Variants in TIAM1 observed in about 807,000 individuals in gnomAD.
TIAM1 encodes TIAM Rac1 associated GEF 1, also known as rho guanine nucleotide exchange factor TIAM1.
TIAM1 carries 65 observed loss-of-function variants against 163.5 expected under a neutral mutation model. The ratio of observed to expected loss-of-function variants is 0.40; its 90% confidence interval spans 0.33 to 0.49. The LOEUF is 0.49. Among genes scored for constraint, TIAM1 ranks in the 20% least tolerant of loss-of-function variants. TIAM1 has a pLI of 0.77. For missense variants in TIAM1, 1,789 were observed against 2,044.7 expected, an observed-to-expected ratio of 0.87 and a Z score of 2.41; for synonymous variants, 833 against 810.1, an observed-to-expected ratio of 1.03 and a Z score of -0.48.
At chr21:31,443,112 C>T (rs2044495758) in intron 2 of TIAM1, among the ~76,000 whole-genome samples, 1 of 152,152 alleles carries the variant, frequency 6.6e-6, no homozygotes, top group African/African-American at 2.4e-5. Flanking sequence ...TGTGGAGTTT[C>T]ATTTTACAAC....
chr21:31,413,221 T>G (rs1282466525), intron 2 of TIAM1, among the ~76,000 whole-genome samples: 1 of 151,994 alleles, frequency 6.6e-6, no homozygotes, highest in Non-Finnish European at 1.5e-5. Flanking sequence ...CTTGTGCATG[T>G]CTTCCTCTTT....
intron 1 of TIAM1, among the ~76,000 whole-genome samples, chr21:31,496,723 C>A (rs2046667143): frequency 6.6e-6 from 1 of 152,024 alleles, no homozygotes; most frequent in South Asian, 2.1e-4. Context: ...ACTCACTGAC[C>A]CACTCACCGC....
chr21:31,355,438 CT>C (rs1199929885), intron 2 of TIAM1, among the ~76,000 whole-genome samples: 19 of 152,282 alleles, frequency 1.2e-4, no homozygotes, highest in South Asian at 8.3e-4. Flanking sequence ...TGAAGGTGTC[CT>C]CCTGGCCAGT....
chr21:31,240,962 T>C (rs1469667405), intron 6 of TIAM1, among the ~76,000 whole-genome samples: 1 of 152,148 alleles, frequency 6.6e-6, no homozygotes, highest in East Asian at 1.9e-4. Flanking sequence ...AATCAAATCA[T>C]GGGTGCAGGT....
intron 1 of TIAM1, among the ~76,000 whole-genome samples, chr21:31,472,654 T>C (rs779647364): frequency 1.3e-5 from 2 of 152,332 alleles, no homozygotes; most frequent in South Asian, 2.1e-4. Context: ...GTGCTCCAGA[T>C]ACTGGCACCA....
chr21:31,146,956 G>A lies in TIAM1; in HGVS notation c.3414C>T (p.Arg1138=). The part of the protein sequence containing the change: ...LGGSFLYYAD[R]FKLYSAFCAS... ...CGCAGAAGGCACTGTAGAGCTTGAA[G>A]CGGTCAGCATAATACAGGAATGATC... The change falls in exon 20 of 28, where the codon CGC becomes CGT. Residue 1138 remains arginine (R), a synonymous_variant. Transcript: ENST00000541036. The A allele has an allele frequency of 6.2e-7, 1 of 1,614,118 alleles. No individual in the cohort carries two copies. The highest frequency in any genetic ancestry group is 8.5e-7 in the Non-Finnish European group (1 of 1,180,012).
chr21:31,228,964 T>C (rs942779290), intron 6 of TIAM1, among the ~76,000 whole-genome samples: 1 of 152,146 alleles, frequency 6.6e-6, no homozygotes, highest in African/African-American at 2.4e-5. Context: ...ACTCACTCAC[T>C]TTCACAAGAA....
intron 19 of TIAM1, among the ~76,000 whole-genome samples, chr21:31,151,667 T>G (rs866158618): frequency 1.3e-5 from 2 of 151,772 alleles, no homozygotes; most frequent in African/African-American, 2.4e-5. Flanking sequence ...TTCATAGGGG[T>G]GTGTGTGTGT....
chr21:31,120,147 A>G lies in TIAM1; in HGVS notation c.*221T>C, dbSNP rs1415049205. On this transcript the variant is annotated 3_prime_UTR_variant, in exon 28 of 28. Coordinates refer to ENST00000541036, the MANE Select transcript of TIAM1 (RefSeq NM_001353694.2). This position sits in a 1 kb window ranked among gnomAD's most constrained non-coding sequence, Gnocchi z 4.2. ...AATAAAAGCCCTTAGTAATATACAGAAGATAGGACTCAAGCTTATTTGGGA... is the reference window on the plus strand; with the variant it reads ...AATAAAAGCCCTTAGTAATATACAGGAGATAGGACTCAAGCTTATTTGGGA... 3.7e-6 allele frequency: 2 copies of G among 535,798 alleles called. No individual in the cohort carries two copies. Among genetic ancestry groups the G allele is most frequent in the African/African-American group, 3.8e-5 (2 of 52,914 alleles). 33.2% of individuals were successfully genotyped at this position (535,798 alleles called of 1,614,324 possible). A position where few individuals can be genotyped will look rare whatever the true frequency, so the allele number is the denominator to read the frequency against.
At chr21:31,236,354 T>C (rs538906647) in intron 6 of TIAM1, among the ~76,000 whole-genome samples, 1 of 152,204 alleles carries the variant, frequency 6.6e-6, no homozygotes, top group East Asian at 1.9e-4. Flanking sequence ...CAAAGGTAAA[T>C]ATTTCTACAG....
chr21:31,218,394 C>T (rs538102191), intron 8 of TIAM1, among the ~76,000 whole-genome samples: 1 of 151,966 alleles, frequency 6.6e-6, no homozygotes, highest in Non-Finnish European at 1.5e-5. Flanking sequence ...ATGGTGAAAC[C>T]CTGTCTTAAC....
chr21:31,303,669 A>T (rs1248785531), intron 2 of TIAM1, among the ~76,000 whole-genome samples: 1 of 152,138 alleles, frequency 6.6e-6, no homozygotes, highest in Non-Finnish European at 1.5e-5. Context: ...CCTCAGGGAA[A>T]AAAATCACCA....
At chr21:31,131,694 TTC>T (rs2082416678) in intron 23 of TIAM1, among the ~76,000 whole-genome samples, 1 of 152,232 alleles carries the variant, frequency 6.6e-6, no homozygotes, top group South Asian at 2.1e-4. Context: ...CTGTCCTTTG[TTC>T]TCTGTGTCAG....
At chr21:31,479,293 A>C (rs147290563) in intron 1 of TIAM1, among the ~76,000 whole-genome samples, 53 of 152,308 alleles carry the variant, frequency 3.5e-4, no homozygotes, top group African/African-American at 1.2e-3. Flanking sequence ...GACTTGATTT[A>C]AAAAAACTCT....
chr21:31,219,533 C>A (rs2087426190), intron 8 of TIAM1, among the ~76,000 whole-genome samples: 1 of 152,182 alleles, frequency 6.6e-6, no homozygotes, highest in Non-Finnish European at 1.5e-5. Flanking sequence ...AAGGCACGCC[C>A]CTCTGGGGCT....
intron 2 of TIAM1, among the ~76,000 whole-genome samples, chr21:31,312,890 A>T (rs2074982908): frequency 6.6e-6 from 1 of 152,238 alleles, no homozygotes; most frequent in African/African-American, 2.4e-5. Flanking sequence ...AAAAAAGGCG[A>T]ATGAAAGAGG....
intron 1 of TIAM1, among the ~76,000 whole-genome samples, chr21:31,465,253 A>G (rs980350977): frequency 6.6e-6 from 1 of 151,746 alleles, no homozygotes; most frequent in African/African-American, 2.4e-5. Context: ...ATTTTATTTT[A>G]TTATTTTTAT....
At chr21:31,493,573 A>G (rs1349456726) in intron 1 of TIAM1, among the ~76,000 whole-genome samples, 2 of 152,230 alleles carry the variant, frequency 1.3e-5, no homozygotes, top group African/African-American at 4.8e-5. Context: ...GCTGGAGTGC[A>G]GGGTATGTAT....
intron 15 of TIAM1, among the ~76,000 whole-genome samples, chr21:31,172,223 T>C (rs898008895): frequency 2.6e-5 from 4 of 151,934 alleles, no homozygotes; most frequent in Admixed American, 2.6e-4. Flanking sequence ...GAAAGGGCAT[T>C]GTTCTCACTC....
Sources: allele counts gnomAD v4.1 joint callset (sites outside exome capture counted in the v4.1 genomes callset), GRCh38; gene constraint gnomAD v4.1.1; non-coding constraint Gnocchi (gnomAD v3.1); transcripts MANE v1.5; gene names NCBI Gene and HGNC (gene_info 2026-07-23, HGNC 2026-07-21).